SCUBE1: variants seen among roughly 807,000 people sequenced by gnomAD.
SCUBE1 encodes the protein signal peptide, CUB domain and EGF like domain containing 1, also known as signal peptide, CUB and EGF-like domain-containing protein 1.
SCUBE1 carries 59 observed loss-of-function variants against 124.4 expected under a neutral mutation model. The observed-to-expected ratio is 0.47, with a 90% CI of 0.38 to 0.59. The LOEUF is 0.59. SCUBE1 is among the 20% of genes least tolerant of loss of function. The pLI, the probability that SCUBE1 is intolerant of heterozygous loss-of-function variation, is 0.00. For synonymous variants in SCUBE1, 545 were observed against 550.9 expected, an observed-to-expected ratio of 0.99 and a Z score of 0.15; for missense variants, 1,150 against 1,371.2, an observed-to-expected ratio of 0.84 and a Z score of 2.55.
At chr22:43,304,057 G>A (rs920144742) in intron 3 of SCUBE1, among the ~76,000 whole-genome samples, 3 of 152,156 alleles carry the variant, frequency 2.0e-5, no homozygotes, top group Non-Finnish European at 2.9e-5. Context: ...GGCAGCTACG[G>A]CCCTTTTCAT....
chr22:43,281,587 TCTCAGCCACCCTCCTGTCACCTCCTC>T (rs1924908166), intron 4 of SCUBE1, among the ~76,000 whole-genome samples: 9 of 64,866 alleles, frequency 1.4e-4, no homozygotes, highest in Non-Finnish European at 2.3e-4. Flanking sequence ...TCACCTCCCT[TCTCAGCCACCCTCCTGTCACCTCCTC>T]CTCAGCAACC....
chr22:43,237,254 C>G (rs1922806775), intron 7 of SCUBE1, among the ~76,000 whole-genome samples: 1 of 152,202 alleles, frequency 6.6e-6, no homozygotes, highest in Non-Finnish European at 1.5e-5. Context: ...GCCCCAATCC[C>G]AGTAGCCCCC....
intron 5 of SCUBE1, among the ~76,000 whole-genome samples, chr22:43,259,929 G>A (rs750762090): frequency 2.6e-5 from 4 of 152,210 alleles, no homozygotes; most frequent in Non-Finnish European, 5.9e-5. Flanking sequence ...CCGGCACCCT[G>A]GATGAGAGCT....
intron 4 of SCUBE1, among the ~76,000 whole-genome samples, chr22:43,275,098 G>A (rs1207330761): frequency 1.3e-5 from 2 of 152,348 alleles, no homozygotes; most frequent in South Asian, 4.1e-4. Context: ...TGGAGGCGAG[G>A]CTGGGCAGCG....
chr22:43,210,299 G>T lies in SCUBE1; in HGVS notation c.2384-59C>A. 1 of 1,430,020 alleles carries T rather than the reference G, an allele frequency of 7.0e-7. No individual in the cohort carries two copies. The highest frequency in any genetic ancestry group is 9.2e-7 in the Non-Finnish European group (1 of 1,085,454). 88.6% of individuals were successfully genotyped at this position (1,430,020 alleles called of 1,614,324 possible). On this transcript the variant is annotated intron_variant, in intron 18 of 21. Transcript: ENST00000360835. The surrounding 1 kb of genome is among the most constrained non-coding windows in gnomAD (Gnocchi z 4.5). The stretch of plus-strand genomic sequence containing the variant: ...CTCTGCTGGGCAGGGGCCCTGGCCG[G>T]CCAGGCCTCTAACCACCTGGGAGGC...
At position 43,231,750 on chromosome 22, in the gene SCUBE1, C is replaced by T; in HGVS notation, c.967+3G>A. On this transcript the variant is annotated splice_donor_region_variant and intron_variant, in intron 8 of 21. Coordinates refer to ENST00000360835, the MANE Select transcript of SCUBE1 (RefSeq NM_173050.5). Reference sequence around the variant, plus strand: ...AGCCACCCGGGGCATGGCAGGGGCTCACCCTGGCAGGTGCGCTCGTCGGTG... The same window carrying T: ...AGCCACCCGGGGCATGGCAGGGGCTTACCCTGGCAGGTGCGCTCGTCGGTG... 1 of 1,579,016 alleles carries T rather than the reference C, an allele frequency of 6.3e-7. No individual in the cohort carries two copies. The highest frequency in any genetic ancestry group is 8.6e-7 in the Non-Finnish European group (1 of 1,163,152).
chr22:43,278,330 T>C (rs540820830), intron 4 of SCUBE1, among the ~76,000 whole-genome samples: 18 of 152,340 alleles, frequency 1.2e-4, no homozygotes, highest in African/African-American at 4.3e-4. Flanking sequence ...GCTGATCTTC[T>C]CCAAGGAGTG....
At position 43,333,870 on chromosome 22, in the gene SCUBE1, G is replaced by A. The variant is rs562780239; in HGVS notation, c.220+5234C>T. ...ATAGTCCCTATCTGGTAGGGTTCTT[G>A]AGAGGATTAAATGAGATCATGGACG... On this transcript the variant is annotated intron_variant, in intron 2 of 21. Transcript: ENST00000360835. Among the ~76,000 whole-genome samples, 14 of 152,340 alleles carry A rather than the reference G, an allele frequency of 9.2e-5. No homozygotes were observed. The East Asian group carries it at 2.7e-3, about 29-fold the overall frequency.
chr22:43,214,621 TAC>T lies in SCUBE1; in HGVS notation c.1892-372_1892-371del, dbSNP rs1601800104. Among the ~76,000 whole-genome samples the T allele has an allele frequency of 2.0e-5, 3 of 152,254 alleles. No individual in the cohort carries two copies. The East Asian group carries it at 5.8e-4, about 29-fold the overall frequency. ...CCTGGATGTCGCCACTTGGATATGC[TAC>T]AGTCATTTCACCCCGAAGCTCCCCT... On this transcript the variant is annotated intron_variant, in intron 15 of 21. Coordinates refer to ENST00000360835, the MANE Select transcript of SCUBE1 (RefSeq NM_173050.5).
intron 3 of SCUBE1, among the ~76,000 whole-genome samples, chr22:43,308,426 T>C (rs773744532): frequency 6.6e-6 from 1 of 152,358 alleles, no homozygotes; most frequent in East Asian, 1.9e-4. Flanking sequence ...AGTAAGTATA[T>C]GACTGTCCAA....
chr22:43,343,369 G>T lies in SCUBE1; in HGVS notation c.-108C>A. The T allele has an allele frequency of 2.3e-6, 1 of 440,566 alleles. No homozygotes were observed. Among genetic ancestry groups the T allele is most frequent in the Non-Finnish European group, 3.1e-6 (1 of 322,938 alleles). 27.3% of individuals were successfully genotyped at this position (440,566 alleles called of 1,614,324 possible). A position where few individuals can be genotyped will look rare whatever the true frequency, so the allele number is the denominator to read the frequency against. On this transcript the variant is annotated 5_prime_UTR_variant, in exon 1 of 22. Coordinates refer to ENST00000360835, the MANE Select transcript of SCUBE1 (RefSeq NM_173050.5). ...CTGCTCGCCGCTCCGCCACCGCTCG[G>T]GCTCCCGAGCCGCCCAGCCAGCCCG...
At chr22:43,241,032 T>G (rs1346568257) in intron 6 of SCUBE1, among the ~76,000 whole-genome samples, 1 of 151,936 alleles carries the variant, frequency 6.6e-6, no homozygotes. Context: ...AGGTGAGGTG[T>G]GGTGCAGGCG....
intron 6 of SCUBE1, among the ~76,000 whole-genome samples, chr22:43,240,153 T>C (rs1440974542): frequency 6.6e-6 from 1 of 152,082 alleles, no homozygotes; most frequent in African/African-American, 2.4e-5. Flanking sequence ...GCTGAGGTGG[T>C]GGGCGTCCTC....
At chr22:43,216,905 CT>C (rs1485775952) in intron 15 of SCUBE1, among the ~76,000 whole-genome samples, 2 of 119,664 alleles carry the variant, frequency 1.7e-5, no homozygotes, top group South Asian at 3.6e-4. Flanking sequence ...AACAGCTTCC[CT>C]CCCACCCCCA....
intron 6 of SCUBE1, among the ~76,000 whole-genome samples, chr22:43,248,700 G>T (rs1264258733): frequency 6.6e-6 from 1 of 152,234 alleles, no homozygotes; most frequent in Non-Finnish European, 1.5e-5. Context: ...CTTTCCTTCA[G>T]CCAGGCCACC....
At chr22:43,219,382 G>C (rs551301847) in intron 14 of SCUBE1, among the ~76,000 whole-genome samples, 1 of 152,198 alleles carries the variant, frequency 6.6e-6, no homozygotes, top group Non-Finnish European at 1.5e-5. Flanking sequence ...CCGTGTTCTC[G>C]GACAGCCTGC....
At chr22:43,208,474 C>G (rs752212516) in intron 19 of SCUBE1, among the ~76,000 whole-genome samples, 8 of 152,214 alleles carry the variant, frequency 5.3e-5, no homozygotes, top group Non-Finnish European at 1.0e-4. Context: ...GACTCTCCCC[C>G]CATCCCCTCC....
intron 4 of SCUBE1, among the ~76,000 whole-genome samples, chr22:43,269,647 G>A (rs1354337059): frequency 6.6e-6 from 1 of 152,126 alleles, no homozygotes; most frequent in African/African-American, 2.4e-5. Context: ...CTCAACTTGG[G>A]AGGAAGGGAT....
rs763081462 is a variant in SCUBE1 at position 43,231,761 on chromosome 22, G to A, written c.959C>T (p.Thr320Ile). Residue 320 changes from threonine (T) to isoleucine (I), a missense_variant, in exon 8 of 22, where the codon ACC becomes ATC. Thr to Ile is a moderately conservative substitution (Grantham distance 89). Around this residue, in one of 3 missense-constraint regions of SCUBE1, gnomAD observed 337 missense variants for 482.1 expected, o/e 0.70. Transcript: ENST00000360835. ...GCATGGCAGGGGCTCACCCTGGCAG[G>A]TGCGCTCGTCGGTGAGCAGCTTGTA... ...KGYKLLTDER[T>I]CQDIDECSFE... The A allele has an allele frequency of 6.6e-5, 105 of 1,587,216 alleles. No individual in the cohort carries two copies. The highest frequency in any genetic ancestry group is 8.8e-5 in the Non-Finnish European group (103 of 1,168,064).
Sources: gnomAD v4.1 joint callset for allele counts (sites outside exome capture counted in the v4.1 genomes callset) on GRCh38, gnomAD v4.1.1 for gene constraint, gnomAD v4.1.1 regional missense constraint, Gnocchi (gnomAD v3.1) non-coding constraint, MANE v1.5 for transcripts, NCBI Gene and HGNC (gene_info 2026-07-23, HGNC 2026-07-21) for gene names.